The following MED15 variants were observed in gnomAD, a reference collection of about 807,000 sequenced individuals.
MED15 encodes the protein mediator complex subunit 15, also known as mediator of RNA polymerase II transcription subunit 15.
Under a neutral mutation model 118.7 loss-of-function variants are expected in MED15, and 41 were observed. The ratio of observed to expected loss-of-function variants is 0.35; its 90% CI spans 0.27 to 0.45. The LOEUF is 0.45. Ranked by LOEUF, MED15 falls within the 20% of genes least tolerant of loss-of-function variation. The pLI is 1.00. For missense variants in MED15, 740 were observed against 1,025.5 expected, an observed-to-expected ratio of 0.72 and a Z score of 3.80; for synonymous variants, 436 against 413.9, an observed-to-expected ratio of 1.05 and a Z score of -0.65.
At chr22:20,545,079 G>A (rs1015895794) in intron 2 of MED15, among the ~76,000 whole-genome samples, 1 of 152,170 alleles carries the variant, frequency 6.6e-6, no homozygotes, top group Non-Finnish European at 1.5e-5. Flanking sequence ...CCAGGGAATA[G>A]GACCTGATTT....
chr22:20,586,444 G>C, intron 17 of MED15, 124 bp from the exon 18 acceptor site: 6 of 1,426,182 alleles, frequency 4.2e-6, no homozygotes, highest in Non-Finnish European at 5.7e-6. Context: ...CAGCGTGCAG[G>C]ACACATCACC....
chr22:20,537,231 C>T, intron 2 of MED15, 27 bp downstream of exon 2: 1 of 1,594,304 alleles, frequency 6.3e-7, no homozygotes, highest in Non-Finnish European at 8.6e-7. Context: ...TGGAGCCACT[C>T]TGGCAGAGAG....
chr22:20,556,738 T>C (rs184021293), intron 5 of MED15, among the ~76,000 whole-genome samples: 21 of 152,230 alleles, frequency 1.4e-4, no homozygotes, highest in Non-Finnish European at 2.8e-4. Flanking sequence ...ACCAACCAAC[T>C]CTCTTGTGTT....
chr22:20,575,296 AAAGCGC>A (rs1163223303), intron 9 of MED15, 64 bp downstream of exon 9: 1 of 1,577,760 alleles, frequency 6.3e-7, no homozygotes, highest in Non-Finnish European at 8.6e-7. Flanking sequence ...GCGCCTTTGT[AAAGCGC>A]ACCTGTCATT....
At chr22:20,525,880 C>T (rs755565899) in intron 1 of MED15, among the ~76,000 whole-genome samples, 1 of 151,662 alleles carries the variant, frequency 6.6e-6, no homozygotes, top group Non-Finnish European at 1.5e-5. Context: ...TATTTCTCTA[C>T]GACACTCTTT....
In MED15 at chr22:20,564,643, G is replaced by A. The variant is rs2056370953; in HGVS notation, c.645G>A (p.Gln215=). 2 of 1,613,734 alleles carry A rather than the reference G, an allele frequency of 1.2e-6. No homozygotes were observed. The highest frequency in any genetic ancestry group is 1.7e-6 in the Non-Finnish European group (2 of 1,179,830). The change falls in exon 6 of 18, where the codon CAG becomes CAA. Residue 215 remains glutamine, a synonymous_variant. Transcript: ENST00000263205. ...QQQQQLQQQQ[Q]QQQHLIKLHH... ...AGCAGCAGCTCCAGCAGCAGCAGCA[G>A]CAGCAGCAGCATCTAATTAAATTGC...
At chr22:20,510,553 A>G (rs2054027992) in intron 1 of MED15, among the ~76,000 whole-genome samples, 1 of 152,174 alleles carries the variant, frequency 6.6e-6, no homozygotes, top group Non-Finnish European at 1.5e-5. Context: ...CTTGCTTGCA[A>G]GCCCATTTAT....
At chr22:20,553,111 T>G (rs755282395) in intron 3 of MED15, 34 bp from the exon 4 acceptor site, 1 of 1,592,816 alleles carries the variant, frequency 6.3e-7, no homozygotes, top group African/African-American at 1.3e-5. Flanking sequence ...AAAACTATGT[T>G]TACTTTCGTT....
chr22:20,549,219 G>C (rs886724278), intron 2 of MED15, among the ~76,000 whole-genome samples: 15 of 152,208 alleles, frequency 9.9e-5, no homozygotes, highest in Non-Finnish European at 1.6e-4. Context: ...GATGACTCCT[G>C]TGTCTGGCAC....
chr22:20,583,092 T>A, intron 11 of MED15, 21 bp from the exon 12 acceptor site: 1 of 1,566,420 alleles, frequency 6.4e-7, no homozygotes, highest in Non-Finnish European at 8.6e-7. Context: ...GGCTGTGGCC[T>A]CACCCGCCTG....
chr22:20,562,489 A>G (rs901959855), intron 5 of MED15, among the ~76,000 whole-genome samples: 2 of 152,050 alleles, frequency 1.3e-5, no homozygotes, highest in South Asian at 2.1e-4. Flanking sequence ...GGTTCAAGCA[A>G]TTCTCCTGCC....
At chr22:20,520,768 C>T (rs1272969548) in intron 1 of MED15, among the ~76,000 whole-genome samples, 2 of 152,106 alleles carry the variant, frequency 1.3e-5, no homozygotes, top group African/African-American at 2.4e-5. Flanking sequence ...GACAGGGTCT[C>T]GCCCTGTTGC....
At chr22:20,562,229 T>C (rs1383447967) in intron 5 of MED15, among the ~76,000 whole-genome samples, 1 of 152,200 alleles carries the variant, frequency 6.6e-6, no homozygotes, top group African/African-American at 2.4e-5. Flanking sequence ...TACATCTCTT[T>C]GTTATTGATA....
At chr22:20,552,206 G>A (rs536911639) in intron 3 of MED15, among the ~76,000 whole-genome samples, 10 of 152,328 alleles carry the variant, frequency 6.6e-5, no homozygotes, top group African/African-American at 2.2e-4. Context: ...GCCCACTGCC[G>A]CTGCATAACC....
At chr22:20,514,782 G>T (rs1041813702) in intron 1 of MED15, among the ~76,000 whole-genome samples, 2 of 152,222 alleles carry the variant, frequency 1.3e-5, no homozygotes, top group Admixed American at 6.5e-5. Flanking sequence ...CCTTAAACTT[G>T]CAAGCCCAGA....
intron 1 of MED15, among the ~76,000 whole-genome samples, chr22:20,517,743 A>G (rs150862242): frequency 5.7e-4 from 87 of 152,284 alleles, no homozygotes; most frequent in African/African-American, 1.9e-3. Flanking sequence ...TTCAGCTGCT[A>G]TGGTGATGGG....
At chr22:20,565,146 A>C (rs984741644) in intron 6 of MED15, among the ~76,000 whole-genome samples, 31 of 152,166 alleles carry the variant, frequency 2.0e-4, no homozygotes, top group Admixed American at 1.9e-3. Flanking sequence ...ATAAAAAAGG[A>C]AAACAAAAGT....
At chr22:20,576,597 C>G (rs1463448647) in intron 9 of MED15, among the ~76,000 whole-genome samples, 1 of 152,244 alleles carries the variant, frequency 6.6e-6, no homozygotes, top group Non-Finnish European at 1.5e-5. Context: ...CAGGGACTTC[C>G]TTTTTAGTAG....
chr22:20,582,555 T>C (rs2057019045), intron 9 of MED15, 56 bp from the exon 10 acceptor site: 2 of 1,534,912 alleles, frequency 1.3e-6, no homozygotes, highest in Non-Finnish European at 1.7e-6. Context: ...GCAGGTGGTG[T>C]GGAGGCAGGC....
Sources: gnomAD v4.1 joint callset for allele counts (sites outside exome capture counted in the v4.1 genomes callset) on GRCh38, gnomAD v4.1.1 for gene constraint, MANE v1.5 for transcripts, NCBI Gene and HGNC (gene_info 2026-07-23, HGNC 2026-07-21) for gene names.